The following STXBP5L variants were observed in gnomAD, a reference collection of about 807,000 sequenced individuals.
STXBP5L encodes the protein syntaxin binding protein 5L, also known as syntaxin-binding protein 5-like.
STXBP5L carries 65 observed loss-of-function variants against 144.5 expected under a neutral mutation model. The ratio of observed to expected loss-of-function variants is 0.45; its 90% CI spans 0.37 to 0.55. STXBP5L has a LOEUF of 0.55. Among genes scored for constraint, STXBP5L ranks in the 20% least tolerant of loss-of-function variants. The pLI, the probability that STXBP5L is intolerant of heterozygous loss-of-function variation, is 0.00. For missense variants in STXBP5L, 1,298 were observed against 1,405.5 expected (o/e 0.92, Z 1.22); for synonymous variants, 505 against 469.6 (o/e 1.08, Z -0.97).
At chr3:121,310,427 G>A (rs538746074) in intron 19 of STXBP5L, among the ~76,000 whole-genome samples, 86 of 152,150 alleles carry the variant, frequency 5.7e-4, no homozygotes, top group Middle Eastern at 3.4e-3. Flanking sequence ...TGGCTAACAC[G>A]GTGAAACCCC....
At chr3:121,146,729 T>G (rs1319798639) in intron 7 of STXBP5L, among the ~76,000 whole-genome samples, 1 of 152,078 alleles carries the variant, frequency 6.6e-6, no homozygotes, top group African/African-American at 2.4e-5. Context: ...AGGCAAAAAC[T>G]TTTTTAAGGA....
intron 3 of STXBP5L, among the ~76,000 whole-genome samples, chr3:120,957,998 G>T (rs1483198081): frequency 6.6e-6 from 1 of 152,010 alleles, no homozygotes; most frequent in Non-Finnish European, 1.5e-5. Flanking sequence ...CAACAAAATT[G>T]ATAGACCGCT....
chr3:121,059,937 T>G (rs1330793809), intron 5 of STXBP5L, among the ~76,000 whole-genome samples: 2 of 152,186 alleles, frequency 1.3e-5, no homozygotes, highest in African/African-American at 4.8e-5. Context: ...TTTGATTTCC[T>G]CTCTTCCTAT....
intron 19 of STXBP5L, among the ~76,000 whole-genome samples, chr3:121,314,824 G>A (rs1383056576): frequency 2.6e-5 from 4 of 152,150 alleles, no homozygotes; most frequent in Non-Finnish European, 5.9e-5. Flanking sequence ...AATGGGCAAA[G>A]GATATGAACA....
At chr3:121,008,275 A>C (rs563958203) in intron 3 of STXBP5L, among the ~76,000 whole-genome samples, 6 of 151,984 alleles carry the variant, frequency 3.9e-5, no homozygotes, top group African/African-American at 1.4e-4. Context: ...ATAATAACTC[A>C]TTCCTTTGCC....
chr3:121,113,171 C>A (rs934181017), intron 5 of STXBP5L, among the ~76,000 whole-genome samples: 7 of 152,128 alleles, frequency 4.6e-5, no homozygotes, highest in Admixed American at 1.3e-4. Context: ...TTACACTTTT[C>A]TTCTTAACCC....
At chr3:121,116,504 T>C (rs910643662) in intron 6 of STXBP5L, among the ~76,000 whole-genome samples, 2 of 152,132 alleles carry the variant, frequency 1.3e-5, no homozygotes, top group African/African-American at 4.8e-5. Flanking sequence ...TGTTCTTTTC[T>C]TGTTCTTCAT....
intron 5 of STXBP5L, among the ~76,000 whole-genome samples, chr3:121,056,134 A>G (rs973190434): frequency 7.9e-5 from 12 of 152,166 alleles, no homozygotes; most frequent in African/African-American, 2.7e-4. Context: ...TTTCTGGTGG[A>G]TGATCCTTGG....
intron 9 of STXBP5L, among the ~76,000 whole-genome samples, chr3:121,196,073 A>G (rs572035481): frequency 6.1e-5 from 9 of 147,692 alleles, no homozygotes; most frequent in African/African-American, 2.0e-4. Flanking sequence ...TTTTTTTTCT[A>G]TTTCTGTAGA....
chr3:121,347,979 A>G, intron 20 of STXBP5L, among the ~76,000 whole-genome samples: 1 of 152,186 alleles, frequency 6.6e-6, no homozygotes. Flanking sequence ...CCCTGGCCAG[A>G]ACTTCCAACA....
chr3:121,229,307 A>G (rs2049224616), intron 11 of STXBP5L, among the ~76,000 whole-genome samples: 1 of 152,100 alleles, frequency 6.6e-6, no homozygotes. Flanking sequence ...TCCTAAATCC[A>G]CATTTTGACA....
At chr3:121,358,780 T>C (rs1004188092) in intron 20 of STXBP5L, among the ~76,000 whole-genome samples, 3 of 152,242 alleles carry the variant, frequency 2.0e-5, no homozygotes, top group South Asian at 4.1e-4. Context: ...TTTCACTTAA[T>C]AATCTCCAGT....
chr3:121,322,539 A>G (rs1226578797), intron 20 of STXBP5L, among the ~76,000 whole-genome samples: 2 of 151,158 alleles, frequency 1.3e-5, no homozygotes, highest in Admixed American at 1.3e-4. Flanking sequence ...CATGGTGTAT[A>G]TGAACCACAT....
chr3:120,961,195 TAG>T (rs1938754231), intron 3 of STXBP5L, among the ~76,000 whole-genome samples: 1 of 108,584 alleles, frequency 9.2e-6, no homozygotes, highest in Admixed American at 1.1e-4. Flanking sequence ...TGATTTTATT[TAG>T]TTTTTTTTTT....
intron 2 of STXBP5L, among the ~76,000 whole-genome samples, chr3:120,950,214 T>C (rs1324824390): frequency 1.3e-5 from 2 of 152,036 alleles, no homozygotes; most frequent in African/African-American, 4.8e-5. Context: ...AAGTAAGGGA[T>C]TTAACTTGAT....
intron 10 of STXBP5L, among the ~76,000 whole-genome samples, chr3:121,215,458 A>G (rs2108269460): frequency 6.6e-6 from 1 of 152,258 alleles, no homozygotes. Flanking sequence ...CCCTTCACTT[A>G]TGAAGCTTAG....
At chr3:121,019,443 C>G (rs189989233) in intron 3 of STXBP5L, among the ~76,000 whole-genome samples, 9 of 152,338 alleles carry the variant, frequency 5.9e-5, no homozygotes, top group Admixed American at 2.0e-4. Context: ...AGCCCCACCT[C>G]ATGGCTGGAG....
chr3:121,228,880 A>AAAGAAAAG (rs2049210260), intron 11 of STXBP5L, among the ~76,000 whole-genome samples: 2 of 152,098 alleles, frequency 1.3e-5, no homozygotes, highest in Non-Finnish European at 2.9e-5. Flanking sequence ...CCGTCTCAGA[A>AAAGAAAAG]AAGAAAAGAA....
At chr3:120,974,786 T>C (rs539165738) in intron 3 of STXBP5L, among the ~76,000 whole-genome samples, 2 of 152,178 alleles carry the variant, frequency 1.3e-5, no homozygotes, top group Non-Finnish European at 2.9e-5. Flanking sequence ...CCAGCACCAT[T>C]TATTAAATAG....
Sources: allele counts gnomAD v4.1 joint callset (sites outside exome capture counted in the v4.1 genomes callset), GRCh38; gene constraint gnomAD v4.1.1; transcripts MANE v1.5; gene names NCBI Gene and HGNC (gene_info 2026-07-23, HGNC 2026-07-21).